CLASP2: variants seen among roughly 807,000 people sequenced by gnomAD.
CLASP2 encodes the protein CLIP-associating protein 2.
A neutral mutation model predicts 194.4 loss-of-function variants in CLASP2; 47 were observed. The observed-to-expected ratio is 0.24, with a 90% confidence interval of 0.19 to 0.31. The LOEUF (loss-of-function observed/expected upper bound fraction) is 0.31. Ranked by LOEUF, CLASP2 falls within the 10% of genes least tolerant of loss-of-function variation. The pLI is 1.00. For synonymous variants in CLASP2, 619 were observed against 633.5 expected (o/e 0.98, Z 0.34); for missense variants, 1,445 against 1,823.6 (o/e 0.79, Z 3.78).
chr3:33,679,568 G>C (rs959806421), intron 6 of CLASP2, among the ~76,000 whole-genome samples: 1 of 152,058 alleles, frequency 6.6e-6, no homozygotes, highest in Non-Finnish European at 1.5e-5. Flanking sequence ...TTTTAAATAA[G>C]GGCAAAAGAT....
intron 13 of CLASP2, among the ~76,000 whole-genome samples, chr3:33,611,396 A>C (rs1250846428): frequency 2.6e-5 from 4 of 152,134 alleles, no homozygotes; most frequent in Admixed American, 2.0e-4. Context: ...CTGTATGCAA[A>C]ATACCACTGT....
At chr3:33,535,045 G>A (rs1247285209) in intron 34 of CLASP2, among the ~76,000 whole-genome samples, 188 bp downstream of exon 34, 1 of 152,156 alleles carries the variant, frequency 6.6e-6, no homozygotes, top group African/African-American at 2.4e-5. Flanking sequence ...TGACTACCCT[G>A]TTTCTCATTC....
At chr3:33,536,880 C>G (rs2057437853) in intron 33 of CLASP2, among the ~76,000 whole-genome samples, 2 of 152,174 alleles carry the variant, frequency 1.3e-5, no homozygotes, top group South Asian at 4.1e-4. Context: ...TGGATTTTGG[C>G]TAGGCAACTA....
chr3:33,598,138 C>G (rs2070975360), intron 18 of CLASP2, among the ~76,000 whole-genome samples: 1 of 151,872 alleles, frequency 6.6e-6, no homozygotes, highest in Non-Finnish European at 1.5e-5. Context: ...TGCGTCTAGA[C>G]TCCTTCAGAC....
In CLASP2 at chr3:33,545,691, C is replaced by T. The variant is rs1323554929; in HGVS notation, c.3154-850G>A. ...TTGGGAGGCAAAGGCAGGTGGATCA[C>T]TTGAGGTCAGGAGTTCGAGACCAGT... On this transcript the variant is annotated intron_variant, in intron 30 of 38. Transcript: ENST00000682230. Among the ~76,000 whole-genome samples the T allele has an allele frequency of 5.3e-5, 8 of 152,092 alleles. No homozygotes were observed. The East Asian group carries it at 1.5e-3, about 29-fold the overall frequency.
At chr3:33,716,030 C>A (rs1261501009) in intron 1 of CLASP2, among the ~76,000 whole-genome samples, 1 of 152,084 alleles carries the variant, frequency 6.6e-6, no homozygotes, top group Non-Finnish European at 1.5e-5. Context: ...ATTGATGGAT[C>A]AATGTCCTTG....
chr3:33,510,842 A>G (rs2049528260), intron 36 of CLASP2, 78 bp from the exon 37 acceptor site: 1 of 1,241,910 alleles, frequency 8.1e-7, no homozygotes, highest in Admixed American at 2.2e-5. Flanking sequence ...AACTTCATGA[A>G]GTATTCAATA....
At chr3:33,645,775 T>C (rs2082164739) in intron 7 of CLASP2, among the ~76,000 whole-genome samples, 1 of 152,176 alleles carries the variant, frequency 6.6e-6, no homozygotes, top group Admixed American at 6.5e-5. Flanking sequence ...CTGTGCATAA[T>C]TAACTCTGTA....
intron 38 of CLASP2, among the ~76,000 whole-genome samples, chr3:33,500,760 T>TA (rs5847784): frequency 0.37 from 56,825 of 152,020 alleles, 10,912 homozygotes; most frequent in Admixed American, 0.5. Context: ...TATTAAAAGA[T>TA]AAATTTGACC....
intron 34 of CLASP2, among the ~76,000 whole-genome samples, chr3:33,532,780 T>C (rs1391509298): frequency 1.3e-5 from 2 of 152,204 alleles, no homozygotes. Flanking sequence ...CATAGTATAC[T>C]GTAGCCTTGA....
In CLASP2 at chr3:33,497,700, T is replaced by C. The variant is rs978319278; in HGVS notation, c.*931A>G. On this transcript the variant is annotated 3_prime_UTR_variant, in exon 39 of 39. Transcript: ENST00000682230. The stretch of plus-strand genomic sequence containing the variant: ...GGTGCTGGTCACTCCCATGTCTCGA[T>C]AATTTGTTTATTACGTGAGAAACAG... 2 of 152,636 alleles carry C rather than the reference T, an allele frequency of 1.3e-5. No homozygotes were observed. The highest frequency in any genetic ancestry group is 4.8e-5 in the African/African-American group (2 of 41,454). The allele number at this position is 152,636 out of a possible 1,614,324, so 9.5% of individuals were successfully genotyped here.
intron 15 of CLASP2, among the ~76,000 whole-genome samples, chr3:33,607,003 C>G (rs1178903935): frequency 6.6e-6 from 1 of 152,194 alleles, no homozygotes; most frequent in Admixed American, 6.5e-5. Flanking sequence ...GGGTAAACCC[C>G]TAAGTGTCCA....
At chr3:33,521,363 C>T (rs2053030656) in intron 34 of CLASP2, among the ~76,000 whole-genome samples, 1 of 151,904 alleles carries the variant, frequency 6.6e-6, no homozygotes, top group African/African-American at 2.4e-5. Flanking sequence ...CTGGTAAGCC[C>T]CACCATAATC....
intron 2 of CLASP2, among the ~76,000 whole-genome samples, chr3:33,690,804 T>G (rs1423580299): frequency 6.6e-6 from 1 of 152,236 alleles, no homozygotes; most frequent in East Asian, 1.9e-4. Context: ...TCATGCTACC[T>G]GCCTATTAGT....
chr3:33,595,697 C>A (rs2070123157), intron 19 of CLASP2, among the ~76,000 whole-genome samples: 1 of 151,594 alleles, frequency 6.6e-6, no homozygotes, highest in African/African-American at 2.4e-5. Context: ...GATTTCCTAC[C>A]CAAACAGGAA....
rs1443901787 is a variant in CLASP2, at chr3:33,510,743, C to T, written c.4132G>A (p.Ala1378Thr). The T allele has an allele frequency of 3.1e-6, 5 of 1,611,420 alleles. No homozygotes were observed. The highest frequency in any genetic ancestry group is 1.7e-5 in the Admixed American group (1 of 59,510). ...ATTGAAGTGGCCAACACTGATGCCGCTTCCTCAGCAGATCTCACCACCTAA... is the reference window on the plus strand; with the variant it reads ...ATTGAAGTGGCCAACACTGATGCCGTTTCCTCAGCAGATCTCACCACCTAA... ...HKEVVRSAEE[A>T]ASVLATSISP... is the part of the protein sequence containing the mutation. Residue 1378 changes from alanine (A) to threonine (T), a missense_variant, in exon 37 of 39, where the codon GCG (alanine) becomes ACG (threonine). Ala to Thr is a moderately conservative substitution (Grantham distance 58). Around this residue, in one of 4 missense-constraint regions of CLASP2, gnomAD observed 732 missense variants for 987.9 expected, o/e 0.74. Transcript: ENST00000682230.
intron 34 of CLASP2, among the ~76,000 whole-genome samples, chr3:33,518,219 C>A (rs947923717): frequency 6.6e-6 from 1 of 152,034 alleles, no homozygotes; most frequent in Non-Finnish European, 1.5e-5. Context: ...TTTGTTTTTG[C>A]CTTCTTTTTA....
intron 9 of CLASP2, among the ~76,000 whole-genome samples, chr3:33,630,637 T>C (rs966486427): frequency 6.6e-6 from 1 of 152,070 alleles, no homozygotes; most frequent in Non-Finnish European, 1.5e-5. Flanking sequence ...TTAGGGGAGT[T>C]GCTGCTTATG....
chr3:33,503,023 C>G (rs565782667), intron 37 of CLASP2: 1 of 152,220 alleles, frequency 6.6e-6, no homozygotes, highest in East Asian at 1.9e-4. Context: ...TTTCCTATTA[C>G]AAATAACACT....
Sources: allele counts gnomAD v4.1 joint callset (sites outside exome capture counted in the v4.1 genomes callset), GRCh38; gene constraint gnomAD v4.1.1; regional missense constraint gnomAD v4.1.1; transcripts MANE v1.5; gene names NCBI Gene and HGNC (gene_info 2026-07-23, HGNC 2026-07-21).